Variants in BMPR1A observed in about 807,000 individuals in gnomAD.
BMPR1A encodes bone morphogenetic protein receptor type-1A.
BMPR1A carries 7 observed loss-of-function variants against 66.0 expected under a neutral mutation model. The ratio of observed to expected loss-of-function variants is 0.11; its 90% CI spans 0.06 to 0.20. The LOEUF (loss-of-function observed/expected upper bound fraction) is 0.20, where lower values mean the gene tolerates loss of function less well. Among genes scored for constraint, BMPR1A ranks in the 10% least tolerant of loss-of-function variants. The pLI, the probability that BMPR1A is intolerant of heterozygous loss-of-function variation, is 1.00. For missense variants in BMPR1A, 408 were observed against 669.1 expected (o/e 0.61, Z 4.31); for synonymous variants, 200 against 229.7 (o/e 0.87, Z 1.17).
At chr10:86,796,666 TC>T (rs1243258482) in intron 1 of BMPR1A, among the ~76,000 whole-genome samples, 2 of 152,014 alleles carry the variant, frequency 1.3e-5, no homozygotes, top group East Asian at 3.9e-4. Context: ...AACTTCCCCC[TC>T]CTAGGCTCTA....
At chr10:86,790,210 T>TAAAA (rs1234183107) in intron 1 of BMPR1A, among the ~76,000 whole-genome samples, 2 of 73,758 alleles carry the variant, frequency 2.7e-5, no homozygotes, top group African/African-American at 1.3e-4. Flanking sequence ...TATATATATA[T>TAAAA]ATATATATAT....
At chr10:86,902,808 A>G (rs2133475997) in intron 7 of BMPR1A, among the ~76,000 whole-genome samples, 1 of 152,326 alleles carries the variant, frequency 6.6e-6, no homozygotes, top group South Asian at 2.1e-4. Flanking sequence ...CTCAGTTCGA[A>G]GAGTTGTGAG....
chr10:86,764,756 C>T (rs1841136439), intron 1 of BMPR1A, among the ~76,000 whole-genome samples: 1 of 152,204 alleles, frequency 6.6e-6, no homozygotes, highest in African/African-American at 2.4e-5. Flanking sequence ...CAATAGATAG[C>T]CACTACCACA....
At chr10:86,802,708 G>A (rs1266765820) in intron 1 of BMPR1A, among the ~76,000 whole-genome samples, 1 of 151,522 alleles carries the variant, frequency 6.6e-6, no homozygotes, top group African/African-American at 2.4e-5. Context: ...TTAGGAATTT[G>A]TATGCATTTT....
intron 2 of BMPR1A, among the ~76,000 whole-genome samples, chr10:86,866,399 C>CTTTTTTTTTTTTCTTTTTTTTTTT (rs1842785864): frequency 1.4e-5 from 1 of 69,476 alleles, no homozygotes; most frequent in African/African-American, 5.3e-5. Context: ...AAGTTTCTTT[C>CTTTTTTTTTTTTCTTTTTTTTTTT]TTTTTTTTTT....
At chr10:86,790,498 A>G (rs1324574490) in intron 1 of BMPR1A, among the ~76,000 whole-genome samples, 1 of 152,048 alleles carries the variant, frequency 6.6e-6, no homozygotes, top group Non-Finnish European at 1.5e-5. Flanking sequence ...AAATTTGTGC[A>G]TGAAAGTTTA....
intron 1 of BMPR1A, among the ~76,000 whole-genome samples, chr10:86,805,395 C>CACACACACAA (rs1841875543): frequency 6.6e-6 from 1 of 151,298 alleles, no homozygotes; most frequent in African/African-American, 2.4e-5. Context: ...CACACACACA[C>CACACACACAA]ACACACACAC....
intron 7 of BMPR1A, among the ~76,000 whole-genome samples, chr10:86,910,073 C>G (rs1420425457): frequency 6.6e-6 from 1 of 152,174 alleles, no homozygotes; most frequent in Non-Finnish European, 1.5e-5. Flanking sequence ...TGGCACACAT[C>G]TGTAATCCCA....
chr10:86,916,759 G>A (rs1436256588), intron 8 of BMPR1A, among the ~76,000 whole-genome samples: 1 of 152,144 alleles, frequency 6.6e-6, no homozygotes, highest in Admixed American at 6.5e-5. Flanking sequence ...GAGGCCGGGG[G>A]TGGGGTGGAT....
At chr10:86,797,404 G>T (rs1184809192) in intron 1 of BMPR1A, among the ~76,000 whole-genome samples, 1 of 151,844 alleles carries the variant, frequency 6.6e-6, no homozygotes, top group Non-Finnish European at 1.5e-5. Context: ...CTAATTTTTT[G>T]TATTTTTAGT....
At chr10:86,803,062 A>G (rs1412676652) in intron 1 of BMPR1A, among the ~76,000 whole-genome samples, 1 of 150,862 alleles carries the variant, frequency 6.6e-6, no homozygotes, top group East Asian at 2.0e-4. Context: ...ATTCCTATCC[A>G]TTCTAGGAAA....
chr10:86,861,853 T>G (rs1842717442), intron 2 of BMPR1A, among the ~76,000 whole-genome samples: 1 of 152,250 alleles, frequency 6.6e-6, no homozygotes, highest in Admixed American at 6.5e-5. Context: ...GTGTGGTTTT[T>G]ATATCATTTC....
In BMPR1A at chr10:86,906,649, G is replaced by T. The variant is rs1388594362; in HGVS notation, c.531-5591G>T. 2.6e-5 allele frequency among the ~76,000 whole-genome samples: 2 copies of T among 76,120 alleles called. 1 individual carries two copies. The highest frequency in any genetic ancestry group is 9.8e-4 in the South Asian group (2 of 2,046). 49.9% of individuals were successfully genotyped at this position (76,120 alleles called of 152,430 possible). On this transcript the variant is annotated intron_variant, in intron 7 of 12. Coordinates refer to ENST00000372037, the MANE Select transcript of BMPR1A (RefSeq NM_004329.3). ...TGAGGCAGGAGGATGGCGTGAATCC[G>T]GGAGGCGGAGCTTGCAGTGAGCCGA...
At chr10:86,835,549 C>CAAAAA (rs55804247) in intron 1 of BMPR1A, among the ~76,000 whole-genome samples, 549 of 44,330 alleles carry the variant, frequency 0.012, 106 homozygotes, top group Non-Finnish European at 0.016. Flanking sequence ...GACTCTGTAT[C>CAAAAA]AAAAAAAAAA....
chr10:86,901,136 T>G (rs1421396469), intron 7 of BMPR1A, among the ~76,000 whole-genome samples: 1 of 152,226 alleles, frequency 6.6e-6, no homozygotes, highest in Non-Finnish European at 1.5e-5. Flanking sequence ...AACTGAGGCC[T>G]CTTGCCAATA....
intron 2 of BMPR1A, among the ~76,000 whole-genome samples, chr10:86,872,992 G>A (rs1055976321): frequency 3.9e-5 from 6 of 152,178 alleles, no homozygotes; most frequent in African/African-American, 1.2e-4. Flanking sequence ...TTGAACTTAT[G>A]CCAGGGTAGC....
intron 2 of BMPR1A, among the ~76,000 whole-genome samples, chr10:86,845,489 G>A (rs1244258086): frequency 1.3e-5 from 2 of 152,152 alleles, no homozygotes; most frequent in African/African-American, 4.8e-5. Context: ...AGTCTCCGAG[G>A]AACAAAACAG....
rs908821626 is a variant in BMPR1A at position 86,913,247 on chromosome 10, C to T, written c.675+863C>T. 4.0e-5 allele frequency among the ~76,000 whole-genome samples: 6 copies of T among 151,392 alleles called. No homozygotes were observed. The East Asian group carries it at 9.7e-4, about 25-fold the overall frequency. On this transcript the variant is annotated intron_variant, in intron 8 of 12. Transcript: ENST00000372037. ...TTCAAGCAATTCCCGTCTCAGCCTCCGAAGTAGCTGGAATTACCAGATGCA... is the reference window on the plus strand; with the variant it reads ...TTCAAGCAATTCCCGTCTCAGCCTCTGAAGTAGCTGGAATTACCAGATGCA...
intron 1 of BMPR1A, among the ~76,000 whole-genome samples, chr10:86,834,383 C>G (rs941782734): frequency 1.6e-4 from 24 of 152,126 alleles, no homozygotes; most frequent in African/African-American, 5.6e-4. Context: ...CAAATACTTG[C>G]CAAAATCCTA....
Sources: allele counts gnomAD v4.1 joint callset (sites outside exome capture counted in the v4.1 genomes callset), GRCh38; gene constraint gnomAD v4.1.1; transcripts MANE v1.5; gene names NCBI Gene and HGNC (gene_info 2026-07-23, HGNC 2026-07-21).